SLC14A2: variants seen among roughly 807,000 people sequenced by gnomAD.
The protein encoded by SLC14A2 is urea transporter 2.
A neutral mutation model predicts 104.6 loss-of-function variants in SLC14A2; 91 were observed. The observed-to-expected ratio is 0.87, with a 90% confidence interval of 0.73 to 1.04. SLC14A2 has a LOEUF of 1.04. SLC14A2 is among the 50% of genes least tolerant of loss of function. The pLI, the probability that SLC14A2 is intolerant of heterozygous loss-of-function variation, is 0.00. For synonymous variants in SLC14A2, 476 were observed against 466.4 expected, an observed-to-expected ratio of 1.02 and a Z score of -0.27; for missense variants, 1,189 against 1,156.0, an observed-to-expected ratio of 1.03 and a Z score of -0.41.
upstream of SLC14A2, among the ~76,000 whole-genome samples, chr18:45,614,269 G>A (rs1175234918): frequency 6.6e-6 from 1 of 152,250 alleles, no homozygotes; most frequent in East Asian, 1.9e-4. Context: ...AGATTTCAGA[G>A]GATGTATGAA....
intron 1 of SLC14A2, among the ~76,000 whole-genome samples, chr18:45,231,687 C>A (rs2084176143): frequency 6.6e-6 from 1 of 152,166 alleles, no homozygotes; most frequent in Non-Finnish European, 1.5e-5. Flanking sequence ...TGGCCATATG[C>A]AAATGGCATG....
At position 45,624,778 on chromosome 18, in the gene SLC14A2, C is replaced by T; in HGVS notation, c.114C>T (p.His38=). 1.2e-6 allele frequency: 2 copies of T among 1,612,476 alleles called. No homozygotes were observed. The highest frequency in any genetic ancestry group is 2.2e-5 in the East Asian group (1 of 44,736). ...GGCCCTCGACATCCCCGGATACTCA[C>T]CCAGCTCTGCCCCTCCTGGAAATGC... ...PSWPSTSPDT[H]PALPLLEMPE... Residue 38 remains histidine (H), a synonymous_variant, in exon 2 of 20, where the codon CAC becomes CAT. Coordinates refer to ENST00000255226, the MANE Select transcript of SLC14A2 (RefSeq NM_007163.4).
intron 2 of SLC14A2, among the ~76,000 whole-genome samples, chr18:45,584,061 G>A (rs1422044052): frequency 6.6e-6 from 1 of 151,172 alleles, no homozygotes; most frequent in Non-Finnish European, 1.5e-5. Flanking sequence ...TTTGAATTCT[G>A]TATGTATTTA....
At chr18:45,263,346 A>G (rs2084558920) in intron 1 of SLC14A2, among the ~76,000 whole-genome samples, 1 of 152,198 alleles carries the variant, frequency 6.6e-6, no homozygotes, top group Non-Finnish European at 1.5e-5. Context: ...GGGGTTAGTG[A>G]TATTGATAGA....
intron 1 of SLC14A2, among the ~76,000 whole-genome samples, chr18:45,295,246 C>T (rs1406844261): frequency 1.3e-5 from 2 of 152,096 alleles, no homozygotes; most frequent in African/African-American, 4.8e-5. Context: ...ACTTGTTCCC[C>T]ATTGTCCGTT....
At chr18:45,565,661 G>A (rs1423475517) in intron 2 of SLC14A2, among the ~76,000 whole-genome samples, 2 of 152,172 alleles carry the variant, frequency 1.3e-5, no homozygotes, top group Admixed American at 6.5e-5. Flanking sequence ...CAGGCATCCC[G>A]ACAGCATTTG....
rs575252761 is a variant in SLC14A2 at position 45,598,214 on chromosome 18, G to A, written c.-34-26417G>A. Among the ~76,000 whole-genome samples the A allele has an allele frequency of 1.1e-4, 16 of 152,250 alleles. No homozygotes were observed. In the South Asian group the frequency reaches 2.5e-3, roughly 24 times the overall value. ...CGACTGTTAGCGTGTCTGTGCCCAC[G>A]TAGGTTATCTCTGTCTCATTTTACC... is the stretch of plus-strand genomic sequence containing the variant. On this transcript the variant is annotated intron_variant, in intron 2 of 20. Transcript: ENST00000586448.
chr18:45,416,156 T>C (rs909280590), intron 1 of SLC14A2, among the ~76,000 whole-genome samples: 1 of 152,128 alleles, frequency 6.6e-6, no homozygotes, highest in African/African-American at 2.4e-5. Flanking sequence ...AGGTCTATTA[T>C]CTTAGAATTC....
rs564600387 is a variant in SLC14A2, at chr18:45,416,297, G to C, written c.-124-66936G>C. 4.3e-5 allele frequency among the ~76,000 whole-genome samples: 6 copies of C among 140,554 alleles called. No individual in the cohort carries two copies. The South Asian group carries it at 1.3e-3, about 31-fold the overall frequency. 92.2% of individuals were successfully genotyped at this position (140,554 alleles called of 152,430 possible). ...ACACAGCAAGGATAACTACACCTCA[G>C]ATTTATGAGCATTGTGAACAGGTTG... is the stretch of plus-strand genomic sequence containing the variant. On this transcript the variant is annotated intron_variant, in intron 1 of 20. Coordinates refer to the SLC14A2 transcript ENST00000586448.
chr18:45,589,055 A>T (rs2044610895), intron 2 of SLC14A2, among the ~76,000 whole-genome samples: 1 of 152,146 alleles, frequency 6.6e-6, no homozygotes, highest in African/African-American at 2.4e-5. Context: ...TCAAACCTGC[A>T]GTTTTCTGAT....
intron 1 of SLC14A2, among the ~76,000 whole-genome samples, chr18:45,304,544 A>G (rs112056733): frequency 2.0e-5 from 3 of 152,366 alleles, no homozygotes; most frequent in African/African-American, 7.2e-5. Flanking sequence ...CTTTTCTGCC[A>G]CTTCATGGTT....
intron 1 of SLC14A2, among the ~76,000 whole-genome samples, chr18:45,225,156 A>G (rs915315348): frequency 1.3e-5 from 2 of 151,916 alleles, no homozygotes; most frequent in African/African-American, 4.8e-5. Flanking sequence ...TCCATCTTGA[A>G]TTAATTTTTG....
the SLC14A2 span, among the ~76,000 whole-genome samples, chr18:45,201,886 G>A: frequency 6.6e-6 from 1 of 152,046 alleles, no homozygotes; most frequent in African/African-American, 2.4e-5. Context: ...TGTAACTCCT[G>A]AAGAAAATTA....
intron 2 of SLC14A2, among the ~76,000 whole-genome samples, chr18:45,608,951 T>A (rs997029504): frequency 3.3e-5 from 5 of 152,184 alleles, no homozygotes; most frequent in African/African-American, 1.2e-4. Flanking sequence ...TATTTCAAAG[T>A]CTAGCTGGTT....
Position 45,349,549 on chromosome 18 carries a change from G to T in SLC14A2, c.-124-133684G>T, listed in dbSNP as rs367605149. The stretch of plus-strand genomic sequence containing the variant: ...ACCAGCACATCCATTCCAGAACACA[G>T]CAAAGGTCAAGCAAGACAGACAGCA... On this transcript the variant is annotated intron_variant, in intron 1 of 20. Transcript: ENST00000586448. Among the ~76,000 whole-genome samples, 88 of 152,304 alleles carry T rather than the reference G, an allele frequency of 5.8e-4. No homozygotes were observed. The South Asian group carries it at 0.018, about 30-fold the overall frequency.
chr18:45,175,958 C>A, the SLC14A2 span, among the ~76,000 whole-genome samples: 1 of 152,152 alleles, frequency 6.6e-6, no homozygotes, highest in Non-Finnish European at 1.5e-5. Flanking sequence ...CTATACCATA[C>A]GACAATTCTC....
chr18:45,671,073 C>T (rs890559018), intron 16 of SLC14A2, among the ~76,000 whole-genome samples: 1 of 152,140 alleles, frequency 6.6e-6, no homozygotes, highest in Non-Finnish European at 1.5e-5. Flanking sequence ...TTAAGCTGCC[C>T]GTTCTTAGTC....
intron 1 of SLC14A2, among the ~76,000 whole-genome samples, chr18:45,247,357 T>C (rs1308958916): frequency 6.6e-6 from 1 of 152,238 alleles, no homozygotes; most frequent in Non-Finnish European, 1.5e-5. Flanking sequence ...GCAAGTAATG[T>C]TGAAGAAATG....
At chr18:45,194,456 A>G in the SLC14A2 span, among the ~76,000 whole-genome samples, 1 of 152,052 alleles carries the variant, frequency 6.6e-6, no homozygotes, top group East Asian at 1.9e-4. Flanking sequence ...ATTTTTGCTC[A>G]TTCGTTTAGA....
Sources: allele counts gnomAD v4.1 joint callset (sites outside exome capture counted in the v4.1 genomes callset), GRCh38; gene constraint gnomAD v4.1.1; transcripts MANE v1.5; gene names NCBI Gene and HGNC (gene_info 2026-07-23, HGNC 2026-07-21).